The following SPINT2 variants were observed in gnomAD, a reference collection of about 807,000 sequenced individuals.
SPINT2 encodes the protein serine peptidase inhibitor, Kunitz type 2.
In SPINT2, 18 loss-of-function variants were observed where a neutral mutation model predicts 30.1. The observed-to-expected ratio is 0.60, with a 90% confidence interval of 0.41 to 0.89. The LOEUF is 0.89. Ranked by LOEUF, SPINT2 falls within the 40% of genes least tolerant of loss-of-function variation. The pLI, the probability that SPINT2 is intolerant of heterozygous loss-of-function variation, is 0.00. For missense variants in SPINT2, 276 were observed against 334.3 expected (o/e 0.83, Z 1.36); for synonymous variants, 139 against 137.9 (o/e 1.01, Z -0.05).
At chr19:38,277,410 C>A (rs934858975) in intron 1 of SPINT2, among the ~76,000 whole-genome samples, 1 of 151,428 alleles carries the variant, frequency 6.6e-6, no homozygotes, top group Non-Finnish European at 1.5e-5. Flanking sequence ...ACACCCGGCT[C>A]ATTTTTTTTG....
At chr19:38,268,766 C>CGCGCGCGCGTGTGTGTGT (rs375982086) in intron 1 of SPINT2, among the ~76,000 whole-genome samples, 18 of 149,816 alleles carry the variant, frequency 1.2e-4, no homozygotes, top group African/African-American at 3.7e-4. Context: ...TGCGCGCGCG[C>CGCGCGCGCGTGTGTGTGT]GTGTGTGTGT....
At chr19:38,279,192 TA>T (rs997492075) in intron 1 of SPINT2, among the ~76,000 whole-genome samples, 120 of 140,544 alleles carry the variant, frequency 8.5e-4, no homozygotes, top group African/African-American at 1.2e-3. Context: ...GAAATTTGAG[TA>T]AAAAAAAAAA....
intron 1 of SPINT2, among the ~76,000 whole-genome samples, chr19:38,275,936 A>G (rs1968512835): frequency 6.6e-6 from 1 of 151,198 alleles, no homozygotes; most frequent in African/African-American, 2.4e-5. Flanking sequence ...CATATTGGTC[A>G]GGCTGGTCTC....
intron 1 of SPINT2, among the ~76,000 whole-genome samples, chr19:38,266,850 C>T (rs532491056): frequency 2.0e-5 from 3 of 152,276 alleles, no homozygotes; most frequent in South Asian, 4.1e-4. Flanking sequence ...TCTTGCAATT[C>T]GAACCAGAAT....
In SPINT2 at chr19:38,264,900, A is replaced by G. The variant is rs1053265397; in HGVS notation, c.8A>G (p.Gln3Arg). 1.4e-5 allele frequency: 21 copies of G among 1,534,760 alleles called. No homozygotes were observed. The highest frequency in any genetic ancestry group is 1.8e-5 in the Non-Finnish European group (21 of 1,145,780). Residue 3 changes from glutamine (Q) to arginine (R), a missense_variant, in exon 1 of 7, where the codon CAG becomes CGG. Gln to Arg is a conservative substitution (Grantham distance 43). Transcript: ENST00000301244. MA[Q>R]LCGLRRSRAF... Reference sequence around the variant, plus strand: ...GTCTCGGCTGAGCTGGCCATGGCGCAGCTGTGCGGGCTGAGGCGGAGCCGG... The same window carrying G: ...GTCTCGGCTGAGCTGGCCATGGCGCGGCTGTGCGGGCTGAGGCGGAGCCGG...
In SPINT2 at chr19:38,271,734, G is replaced by A. The variant is rs991343468; in HGVS notation, c.106+6736G>A. Among the ~76,000 whole-genome samples the A allele has an allele frequency of 7.9e-5, 12 of 152,036 alleles. 1 individual carries two copies. The highest frequency in any genetic ancestry group is 2.7e-4 in the African/African-American group (11 of 41,392). ...GCCTGGAGGCTGAGGCAGGAGAATC[G>A]CTTGAACTCGGAGGGTGGAGGTTGC... On this transcript the variant is annotated intron_variant, in intron 1 of 6. Coordinates refer to ENST00000301244, the MANE Select transcript of SPINT2 (RefSeq NM_021102.4).
At chr19:38,276,534 C>T (rs1266315786) in intron 1 of SPINT2, among the ~76,000 whole-genome samples, 2 of 151,818 alleles carry the variant, frequency 1.3e-5, no homozygotes, top group African/African-American at 4.8e-5. Context: ...CCCAGCTACT[C>T]GGGAGGCTGA....
chr19:38,278,469 G>A (rs1968544361), intron 1 of SPINT2, among the ~76,000 whole-genome samples: 1 of 152,178 alleles, frequency 6.6e-6, no homozygotes. Flanking sequence ...CAGTTTTATT[G>A]TGACCATTAG....
At chr19:38,285,533 T>TG (rs1968630665) in intron 2 of SPINT2, among the ~76,000 whole-genome samples, 1 of 152,058 alleles carries the variant, frequency 6.6e-6, no homozygotes, top group Admixed American at 6.6e-5. Context: ...TTGGTGAAGA[T>TG]GGAGTTTCAC....
chr19:38,272,278 G>A (rs1244061816), intron 1 of SPINT2, among the ~76,000 whole-genome samples: 1 of 152,202 alleles, frequency 6.6e-6, no homozygotes, highest in Non-Finnish European at 1.5e-5. Context: ...TGTTCTTAAA[G>A]GGGTGGGGGA....
Position 38,283,726 on chromosome 19 carries a change from G to A in SPINT2, c.206G>A (p.Gly69Glu), listed in dbSNP as rs777505593. Residue 69 changes from glycine to glutamate, a missense_variant, in exon 2 of 7, where the codon GGG becomes GAG. Physicochemically the swap from Gly to Glu is moderately conservative, Grantham distance 98 (BLOSUM62 -2). Transcript: ENST00000301244. ...GGATCCTGCCAGCTGTTTGTGTATGGGGGCTGTGACGGAAACAGCAATAAT... is the reference window on the plus strand; with the variant it reads ...GGATCCTGCCAGCTGTTTGTGTATGAGGGCTGTGACGGAAACAGCAATAAT... ...TDGSCQLFVY[G>E]GCDGNSNNYL... 1.9e-6 allele frequency: 3 copies of A among 1,614,168 alleles called. No individual in the cohort carries two copies. The highest frequency in any genetic ancestry group is 1.7e-6 in the Non-Finnish European group (2 of 1,180,020).
In SPINT2 at chr19:38,270,834, G is replaced by C. The variant is rs371610249; in HGVS notation, c.106+5836G>C. Among the ~76,000 whole-genome samples the C allele has an allele frequency of 3.2e-4, 48 of 152,332 alleles. 1 individual carries two copies. In the East Asian group the frequency reaches 6.0e-3, roughly 19 times the overall value. ...GGAGGCTACAGGGGAGGCTGAATAA[G>C]GGGTGATAAGCCTGTGGCTCATGTG... On this transcript the variant is annotated intron_variant, in intron 1 of 6. Transcript: ENST00000301244.
intron 1 of SPINT2, 66 bp from the exon 2 acceptor site, chr19:38,283,561 T>C: frequency 6.2e-7 from 1 of 1,600,644 alleles, no homozygotes; most frequent in East Asian, 2.2e-5. Flanking sequence ...CATGTACAGG[T>C]CTGTGCGTGT....
At chr19:38,289,924 C>T (rs889847037) in intron 4 of SPINT2, 195 bp from the exon 5 acceptor site, 12 of 652,172 alleles carry the variant, frequency 1.8e-5, no homozygotes, top group Middle Eastern at 4.1e-4. Context: ...TTCAAAGCTC[C>T]GAAGCCGTCA....
At chr19:38,273,662 C>T (rs1370679785) in intron 1 of SPINT2, among the ~76,000 whole-genome samples, 1 of 152,202 alleles carries the variant, frequency 6.6e-6, no homozygotes, top group Non-Finnish European at 1.5e-5. Flanking sequence ...CCTCCCAGCC[C>T]AGCATATCCT....
intron 1 of SPINT2, among the ~76,000 whole-genome samples, chr19:38,268,076 T>C (rs1033862844): frequency 6.6e-6 from 1 of 150,526 alleles, no homozygotes; most frequent in African/African-American, 2.5e-5. Flanking sequence ...GGCCCAGGAG[T>C]TGGGGGAGGG....
At position 38,290,584 on chromosome 19, in the gene SPINT2, C is replaced by T. The variant is rs369738764; in HGVS notation, c.592+9C>T. The T allele has an allele frequency of 3.7e-6, 6 of 1,613,714 alleles. No individual in the cohort carries two copies. The Admixed American group carries it at 5.0e-5, about 13-fold the overall frequency. ...GCCCCTTGGCTCAAAGGGTAAGTGG[C>T]CCCTTACCCTCCTCCTGCCATCAGC... On this transcript the variant is annotated intron_variant, in intron 6 of 6. Coordinates refer to ENST00000301244, the MANE Select transcript of SPINT2 (RefSeq NM_021102.4). The surrounding 1 kb of genome is among the most constrained non-coding windows in gnomAD (Gnocchi z 4.3).
chr19:38,291,574 G>C (rs565612563), intron 6 of SPINT2: 1 of 475,268 alleles, frequency 2.1e-6, no homozygotes, highest in Non-Finnish European at 3.8e-6. Flanking sequence ...CAAAAAGAAG[G>C]AACACAGATG....
At chr19:38,289,911 G>T (rs1468367562) in intron 4 of SPINT2, 3 of 626,864 alleles carry the variant, frequency 4.8e-6, no homozygotes, top group African/African-American at 1.8e-5. Context: ...GCAGAGAGCA[G>T]CCTTCAAAGC....
Sources: allele counts gnomAD v4.1 joint callset (sites outside exome capture counted in the v4.1 genomes callset), GRCh38; gene constraint gnomAD v4.1.1; non-coding constraint Gnocchi (gnomAD v3.1); transcripts MANE v1.5; gene names NCBI Gene and HGNC (gene_info 2026-07-23, HGNC 2026-07-21).